Variants in AKT3 observed in about 807,000 individuals in gnomAD.
AKT3 encodes AKT serine/threonine kinase 3, also known as RAC-gamma serine/threonine-protein kinase.
AKT3 carries 15 observed loss-of-function variants against 65.3 expected under a neutral mutation model. The observed-to-expected ratio is 0.23, with a 90% CI of 0.15 to 0.35. AKT3 has a LOEUF of 0.35. AKT3 is among the 10% of genes least tolerant of loss of function. The pLI, the probability that AKT3 is intolerant of heterozygous loss-of-function variation, is 1.00. For missense variants in AKT3, 243 were observed against 576.5 expected (o/e 0.42, Z 5.92); for synonymous variants, 206 against 183.8 (o/e 1.12, Z -0.98).
At chr1:243,675,051 T>C (rs965186485) in intron 3 of AKT3, among the ~76,000 whole-genome samples, 1 of 152,208 alleles carries the variant, frequency 6.6e-6, no homozygotes, top group African/African-American at 2.4e-5. Context: ...TAGGTCCCAC[T>C]TAGAAGTAAC....
chr1:243,562,817 G>A (rs1159640085), intron 10 of AKT3, among the ~76,000 whole-genome samples: 1 of 152,126 alleles, frequency 6.6e-6, no homozygotes, highest in African/African-American at 2.4e-5. Context: ...AGTCTTTCAA[G>A]CTGAGACCTC....
chr1:243,500,121 G>C lies in AKT3; in HGVS notation c.*5128C>G. 2.8e-6 allele frequency: 1 copy of C among 351,880 alleles called. No homozygotes were observed. Among genetic ancestry groups the C allele is most frequent in the Non-Finnish European group, 5.2e-6 (1 of 192,750 alleles). The allele number at this position is 351,880 out of a possible 1,614,324, so 21.8% of individuals were successfully genotyped here. A position where few individuals can be genotyped will look rare whatever the true frequency, so the allele number is the denominator to read the frequency against. ...AGTTGTAATGTTTCCTTTTTATCTT[G>C]TAGTGATGAACAAAACACACCAAAA... On this transcript the variant is annotated 3_prime_UTR_variant, in exon 14 of 14. Transcript: ENST00000673466.
intron 12 of AKT3, among the ~76,000 whole-genome samples, chr1:243,535,799 ACT>A (rs1671886097): frequency 6.6e-6 from 1 of 152,316 alleles, no homozygotes; most frequent in South Asian, 2.1e-4. Flanking sequence ...AAATCTCCAT[ACT>A]GTTTTCCACA....
chr1:243,744,755 A>AG (rs1240590170), intron 2 of AKT3, among the ~76,000 whole-genome samples: 1 of 151,086 alleles, frequency 6.6e-6, no homozygotes, highest in Non-Finnish European at 1.5e-5. Flanking sequence ...AAAAAAAAAA[A>AG]AAAAATTATT....
At chr1:243,815,476 T>C (rs1006495020) in intron 2 of AKT3, among the ~76,000 whole-genome samples, 3 of 152,144 alleles carry the variant, frequency 2.0e-5, no homozygotes, top group Non-Finnish European at 1.5e-5. Context: ...AAACTTCTAC[T>C]AACAGTCAAC....
At chr1:243,819,649 C>T (rs887816140) in intron 2 of AKT3, among the ~76,000 whole-genome samples, 1 of 152,212 alleles carries the variant, frequency 6.6e-6, no homozygotes, top group African/African-American at 2.4e-5. Flanking sequence ...GACAGCTGGA[C>T]GATTTCATTA....
At chr1:243,564,072 G>A (rs1229184935) in intron 9 of AKT3, among the ~76,000 whole-genome samples, 1 of 152,030 alleles carries the variant, frequency 6.6e-6, no homozygotes, top group Non-Finnish European at 1.5e-5. Flanking sequence ...TAAACCGATG[G>A]GAATAAGTGA....
At chr1:243,778,974 T>G (rs1016425949) in intron 2 of AKT3, among the ~76,000 whole-genome samples, 1 of 152,112 alleles carries the variant, frequency 6.6e-6, no homozygotes, top group Non-Finnish European at 1.5e-5. Flanking sequence ...TTTTCGACTA[T>G]GTAATATTCC....
chr1:243,685,967 A>G (rs570516149), intron 3 of AKT3, among the ~76,000 whole-genome samples: 8 of 152,318 alleles, frequency 5.3e-5, no homozygotes, highest in Non-Finnish European at 1.0e-4. Context: ...AATAACAGAC[A>G]AACAGAGAGC....
At chr1:243,813,024 G>A (rs1453484000) in intron 2 of AKT3, among the ~76,000 whole-genome samples, 1 of 110,600 alleles carries the variant, frequency 9.0e-6, no homozygotes, top group South Asian at 3.1e-4. Context: ...ACCGGGGCCT[G>A]TTGTGGGGTG....
chr1:243,597,192 A>C (rs1276086685), intron 8 of AKT3, among the ~76,000 whole-genome samples: 2 of 152,198 alleles, frequency 1.3e-5, no homozygotes, highest in Non-Finnish European at 2.9e-5. Context: ...ACTTAAAATG[A>C]GTTCATTTCA....
At chr1:243,528,080 C>CT (rs981546560) in intron 12 of AKT3, among the ~76,000 whole-genome samples, 1 of 152,182 alleles carries the variant, frequency 6.6e-6, no homozygotes, top group Non-Finnish European at 1.5e-5. Context: ...ATTGATGTCA[C>CT]TACAAGGGTA....
chr1:243,736,681 G>A (rs755178007), intron 2 of AKT3, among the ~76,000 whole-genome samples: 1 of 152,120 alleles, frequency 6.6e-6, no homozygotes, highest in Non-Finnish European at 1.5e-5. Flanking sequence ...TACTAAGTTC[G>A]AAGATAAAGA....
intron 2 of AKT3, among the ~76,000 whole-genome samples, chr1:243,764,192 G>A (rs866688677): frequency 6.6e-6 from 1 of 151,860 alleles, no homozygotes; most frequent in Non-Finnish European, 1.5e-5. Flanking sequence ...TCTCTACCAA[G>A]GTGTTAAGAT....
intron 3 of AKT3, among the ~76,000 whole-genome samples, chr1:243,671,635 C>T (rs1450210243): frequency 2.0e-5 from 3 of 152,154 alleles, no homozygotes; most frequent in South Asian, 4.1e-4. Flanking sequence ...TTAGGTGAGG[C>T]AGGTGTCCTG....
At chr1:243,538,847 AAG>A (rs1360359556) in intron 12 of AKT3, among the ~76,000 whole-genome samples, 54 of 152,194 alleles carry the variant, frequency 3.5e-4, no homozygotes, top group African/African-American at 1.3e-3. Flanking sequence ...AAAAAAGAAA[AAG>A]AAAAAAAGAT....
intron 2 of AKT3, among the ~76,000 whole-genome samples, chr1:243,809,093 A>G (rs934370887): frequency 2.6e-5 from 4 of 152,200 alleles, no homozygotes; most frequent in Non-Finnish European, 5.9e-5. Context: ...AATTGTAAAG[A>G]CCATCAATGC....
chr1:243,794,598 G>GTGT (rs1442807023), intron 2 of AKT3, among the ~76,000 whole-genome samples: 2 of 152,038 alleles, frequency 1.3e-5, no homozygotes, highest in African/African-American at 2.4e-5. Context: ...CCAGAAATGG[G>GTGT]TGTTATCTAC....
intron 12 of AKT3, among the ~76,000 whole-genome samples, chr1:243,524,282 G>A (rs1038547299): frequency 2.0e-5 from 3 of 152,142 alleles, no homozygotes; most frequent in Non-Finnish European, 4.4e-5. Flanking sequence ...AATATTCACA[G>A]GAGGTTCTTT....
Sources: allele counts gnomAD v4.1 joint callset (sites outside exome capture counted in the v4.1 genomes callset), GRCh38; gene constraint gnomAD v4.1.1; transcripts MANE v1.5; gene names NCBI Gene and HGNC (gene_info 2026-07-23, HGNC 2026-07-21).